Variants in PRLHR observed in about 807,000 individuals in gnomAD.
The protein encoded by PRLHR is prolactin-releasing peptide receptor.
In PRLHR, 10 loss-of-function variants were observed where a neutral mutation model predicts 9.3. The ratio of observed to expected loss-of-function variants is 1.08; its 90% confidence interval spans 0.66 to 1.82. The LOEUF is 1.82. Among genes scored for constraint, PRLHR ranks in the 40% most tolerant of loss-of-function variants. The pLI is 0.00. For synonymous variants in PRLHR, 261 were observed against 249.3 expected (o/e 1.05, Z -0.44); for missense variants, 589 against 512.0 (o/e 1.15, Z -1.45).
Position 118,594,964 on chromosome 10 carries a change from AC to A in PRLHR, c.280del (p.Val94Ter). 6.2e-7 allele frequency: 1 copy of A among 1,613,658 alleles called. No individual in the cohort carries two copies. Among genetic ancestry groups the A allele is most frequent in the Non-Finnish European group, 8.5e-7 (1 of 1,179,914 alleles). On this transcript the variant is annotated frameshift_variant, in exon 2 of 2. Transcript: ENST00000239032. LOFTEE classifies it high-confidence loss of function. ...CAGGTTGCCGATGAGGAAGTTCGTC[AC>A]GTTGTGCAGCCGGCGCACCCGCGCG... The part of the protein sequence containing the change: ...VIARVRRLHN[V>X]TNFLIGNLAL...
Position 118,594,889 on chromosome 10 carries a change from G to A in PRLHR, c.356C>T (p.Ala119Val). The A allele has an allele frequency of 6.2e-7, 1 of 1,613,370 alleles. No homozygotes were observed. Among genetic ancestry groups the A allele is most frequent in the Non-Finnish European group, 8.5e-7 (1 of 1,179,866 alleles). ...MCTACVPLTLAYAFEPRGWVF... is the reference protein window; with the variant it reads ...MCTACVPLTLVYAFEPRGWVF... ...CCAGCCGCGTGGCTCGAAGGCATAG[G>A]CCAGCGTGAGCGGCACGCAGGCGGT... Residue 119 changes from alanine to valine, a missense_variant, in exon 2 of 2, where the codon GCC becomes GTC. Ala to Val is a moderately conservative substitution (Grantham distance 64, BLOSUM62 0). Coordinates refer to ENST00000239032, the MANE Select transcript of PRLHR (RefSeq NM_004248.3).
At position 118,594,427 on chromosome 10, in the gene PRLHR, C is replaced by G; in HGVS notation, c.818G>C (p.Arg273Pro). 6.2e-7 allele frequency: 1 copy of G among 1,600,688 alleles called. No homozygotes were observed. Among genetic ancestry groups the G allele is most frequent in the East Asian group, 2.2e-5 (1 of 44,778 alleles). ...QSQADWDRARRRRTFCLLVVI... is the reference protein window; with the variant it reads ...QSQADWDRARPRRTFCLLVVI... ...CACCAGCAAGCAGAAGGTGCGCCGG[C>G]GCCGAGCGCGGTCCCAGTCGGCCTG... The change falls in exon 2 of 2, where the codon CGC (arginine) becomes CCC (proline). Residue 273 changes from arginine (R) to proline (P), a missense_variant. Arg to Pro is a moderately radical substitution (Grantham distance 103, BLOSUM62 -2). Coordinates refer to ENST00000239032, the MANE Select transcript of PRLHR (RefSeq NM_004248.3).
At chr10:118,595,362 C>A in intron 1 of PRLHR, 112 bp from the exon 2 acceptor site, 1 of 1,006,042 alleles carries the variant, frequency 9.9e-7, no homozygotes, top group Non-Finnish European at 1.4e-6. Context: ...AATAACCGGC[C>A]ACAGAACAAC....
In PRLHR at chr10:118,594,413, A is replaced by G. The variant is rs377102767; in HGVS notation, c.832T>C (p.Cys278Arg). 38 of 1,600,316 alleles carry G rather than the reference A, an allele frequency of 2.4e-5. No individual in the cohort carries two copies. The highest frequency in any genetic ancestry group is 3.1e-5 in the Non-Finnish European group (37 of 1,179,640). Residue 278 changes from cysteine (C) to arginine (R), a missense_variant, in exon 2 of 2, where the codon TGC becomes CGC. Physicochemically the swap from Cys to Arg is radical, Grantham distance 180. Coordinates refer to ENST00000239032, the MANE Select transcript of PRLHR (RefSeq NM_004248.3). Reference sequence around the variant, plus strand: ...ACCACCACGATCACCACCAGCAAGCAGAAGGTGCGCCGGCGCCGAGCGCGG... The same window carrying G: ...ACCACCACGATCACCACCAGCAAGCGGAAGGTGCGCCGGCGCCGAGCGCGG... ...WDRARRRRTFCLLVVIVVVFA... is the reference protein window; with the variant it reads ...WDRARRRRTFRLLVVIVVVFA...
rs1844431669 is a variant in PRLHR at position 118,591,402 on chromosome 10, G to C, written c.*2730C>G. 6.6e-6 allele frequency: 1 copy of C among 152,160 alleles called. No homozygotes were observed. The highest frequency in any genetic ancestry group is 2.4e-5 in the African/African-American group (1 of 41,432). The allele number at this position is 152,160 out of a possible 1,614,324, so 9.4% of individuals were successfully genotyped here. ...ATGTGAGCCATGGTACCTGGCCATG[G>C]TATGTAACTTTATAATACAATTGAC... is the stretch of plus-strand genomic sequence containing the variant. On this transcript the variant is annotated 3_prime_UTR_variant, in exon 2 of 2. Coordinates refer to ENST00000239032, the MANE Select transcript of PRLHR (RefSeq NM_004248.3).
chr10:118,595,082 G>C lies in PRLHR; in HGVS notation c.163C>G (p.Leu55Val), dbSNP rs1173213845. ...ATCAGCCCCTTCAGCTGATGCACCA[G>C]CTGCAGGCTCTGGAAGGGCGTGACG... ...PAVTPFQSLQ[L>V]VHQLKGLIVL... Residue 55 changes from leucine (L) to valine (V), a missense_variant, in exon 2 of 2, where the codon CTG becomes GTG. Coordinates refer to ENST00000239032, the MANE Select transcript of PRLHR (RefSeq NM_004248.3). 2.5e-6 allele frequency: 4 copies of C among 1,606,094 alleles called. No individual in the cohort carries two copies. In the African/African-American group the frequency reaches 4.0e-5, roughly 16 times the overall value.
At position 118,595,172 on chromosome 10, in the gene PRLHR, G is replaced by C; in HGVS notation, c.73C>G (p.Pro25Ala). 6.3e-7 allele frequency: 1 copy of C among 1,582,992 alleles called. No homozygotes were observed. The highest frequency in any genetic ancestry group is 1.7e-4 in the Middle Eastern group (1 of 5,994). Residue 25 changes from proline (P) to alanine (A), a missense_variant, in exon 2 of 2, where the codon CCC (proline) becomes GCC (alanine). Coordinates refer to ENST00000239032, the MANE Select transcript of PRLHR (RefSeq NM_004248.3). ...GAGGCCTCTGCGCTCTGGTTGGCGG[G>C]AGTTGTGACCGCCGGCGGCAGCCCA... ...FSGLPPAVTTPANQSAEASAG... is the reference protein window; with the variant it reads ...FSGLPPAVTTAANQSAEASAG...
chr10:118,595,473 G>A, intron 1 of PRLHR, 43 bp downstream of exon 1: 1 of 396,726 alleles, frequency 2.5e-6, no homozygotes. Context: ...TCTATTTACG[G>A]TCCTCGCAGT....
At position 118,594,976 on chromosome 10, in the gene PRLHR, C is replaced by T; in HGVS notation, c.269G>A (p.Arg90Gln). The T allele has an allele frequency of 1.2e-6, 2 of 1,613,622 alleles. No individual in the cohort carries two copies. The highest frequency in any genetic ancestry group is 1.7e-5 in the Admixed American group (1 of 60,016). ...GAGGAAGTTCGTCACGTTGTGCAGC[C>T]GGCGCACCCGCGCGATCACCAGCAC... ...LLVLVIARVR[R>Q]LHNVTNFLIG... The change falls in exon 2 of 2, where the codon CGG becomes CAG. Residue 90 changes from arginine (R) to glutamine (Q), a missense_variant. Transcript: ENST00000239032.
rs766135452 is a variant in PRLHR at position 118,594,928 on chromosome 10, T to A, written c.317A>T (p.Asp106Val). The change falls in exon 2 of 2, where the codon GAC becomes GTC. Residue 106 changes from aspartate to valine, a missense_variant. By Grantham distance (152) the Asp-to-Val change is radical (BLOSUM62 -3). Transcript: ENST00000239032. The stretch of plus-strand genomic sequence containing the variant: ...CACGCAGGCGGTGCACATGAGCACG[T>A]CGGACAAGGCCAGGTTGCCGATGAG... Reference protein sequence around the residue: ...NFLIGNLALSDVLMCTACVPL... With the variant: ...NFLIGNLALSVVLMCTACVPL... 1.9e-6 allele frequency: 3 copies of A among 1,613,574 alleles called. No individual in the cohort carries two copies. In the South Asian group the frequency reaches 3.3e-5, roughly 18 times the overall value.
At position 118,592,358 on chromosome 10, in the gene PRLHR, A is replaced by G. The variant is rs561086023; in HGVS notation, c.*1774T>C. ...CCCAAGTAATATAGCTGCTGGAAGCACAGGAGCCAGTCCTCGGGATGCCTG... is the reference window on the plus strand; with the variant it reads ...CCCAAGTAATATAGCTGCTGGAAGCGCAGGAGCCAGTCCTCGGGATGCCTG... On this transcript the variant is annotated 3_prime_UTR_variant, in exon 2 of 2. Transcript: ENST00000239032. The G allele has an allele frequency of 4.6e-5, 7 of 152,418 alleles. No individual in the cohort carries two copies. Among genetic ancestry groups the G allele is most frequent in the Admixed American group, 3.9e-4 (6 of 15,298 alleles). The allele number at this position is 152,418 out of a possible 1,614,324, so 9.4% of individuals were successfully genotyped here. A position where few individuals can be genotyped will look rare whatever the true frequency, so the allele number is the denominator to read the frequency against.
rs775475022 is a variant in PRLHR, at chr10:118,594,358, A to T, written c.887T>A (p.Val296Asp). ...GTCGAGGTCCCGCAGCAGGTTGAAGACGTGCAGCGGCAGCCAGCAGACGGC... is the reference window on the plus strand; with the variant it reads ...GTCGAGGTCCCGCAGCAGGTTGAAGTCGTGCAGCGGCAGCCAGCAGACGGC... Reference protein sequence around the residue: ...VFAVCWLPLHVFNLLRDLDPH... With the variant: ...VFAVCWLPLHDFNLLRDLDPH... The change falls in exon 2 of 2, where the codon GTC (valine) becomes GAC (aspartate). Residue 296 changes from valine to aspartate, a missense_variant. Coordinates refer to ENST00000239032, the MANE Select transcript of PRLHR (RefSeq NM_004248.3). 3.7e-6 allele frequency: 6 copies of T among 1,600,458 alleles called. No homozygotes were observed. Among genetic ancestry groups the T allele is most frequent in the Non-Finnish European group, 4.2e-6 (5 of 1,179,474 alleles).
In PRLHR at chr10:118,590,863, G is replaced by A. The variant is rs1460687321; in HGVS notation, c.*3269C>T. The stretch of plus-strand genomic sequence containing the variant: ...TCATAATATGTAAAGATGTTTATAA[G>A]CACAATCTAATTCTCCAACCTCTTT... On this transcript the variant is annotated 3_prime_UTR_variant, in exon 2 of 2. Transcript: ENST00000239032. The A allele has an allele frequency of 6.6e-6, 1 of 152,128 alleles. No homozygotes were observed. Among genetic ancestry groups the A allele is most frequent in the Non-Finnish European group, 1.5e-5 (1 of 68,030 alleles). 9.4% of individuals were successfully genotyped at this position (152,128 alleles called of 1,614,324 possible). A position where few individuals can be genotyped will look rare whatever the true frequency, so the allele number is the denominator to read the frequency against.
chr10:118,595,185 C>T lies in PRLHR; in HGVS notation c.60G>A (p.Pro20=), dbSNP rs531242252. 57 of 1,572,910 alleles carry T rather than the reference C, an allele frequency of 3.6e-5. No individual in the cohort carries two copies. In the East Asian group the frequency reaches 1.2e-3, roughly 33 times the overall value. ...RVSDLFSGLP[P]AVTTPANQSA... ...TCTGGTTGGCGGGAGTTGTGACCGC[C>T]GGCGGCAGCCCAGAAAATAAGTCAG... Residue 20 remains proline, a synonymous_variant, in exon 2 of 2, where the codon CCG becomes CCA. Coordinates refer to ENST00000239032, the MANE Select transcript of PRLHR (RefSeq NM_004248.3).
rs1404289780 is a variant in PRLHR at position 118,595,142 on chromosome 10, C to T, written c.103G>A (p.Gly35Ser). 1 of 1,597,574 alleles carries T rather than the reference C, an allele frequency of 6.3e-7. No individual in the cohort carries two copies. The highest frequency in any genetic ancestry group is 1.3e-5 in the African/African-American group (1 of 74,794). ...PANQSAEASA[G>S]NGSVAGADAP... Reference sequence around the variant, plus strand: ...TCCGCGCCAGCCACCGACCCGTTGCCCGCCGAGGCCTCTGCGCTCTGGTTG... The same window carrying T: ...TCCGCGCCAGCCACCGACCCGTTGCTCGCCGAGGCCTCTGCGCTCTGGTTG... The change falls in exon 2 of 2, where the codon GGC (glycine) becomes AGC (serine). Residue 35 changes from glycine (G) to serine (S), a missense_variant. Gly to Ser is a moderately conservative substitution (Grantham distance 56). Coordinates refer to ENST00000239032, the MANE Select transcript of PRLHR (RefSeq NM_004248.3).
rs953318942 is a variant in PRLHR at position 118,592,077 on chromosome 10, G to A, written c.*2055C>T. The A allele has an allele frequency of 6.6e-6, 1 of 151,830 alleles. No homozygotes were observed. Among genetic ancestry groups the A allele is most frequent in the Admixed American group, 6.6e-5 (1 of 15,242 alleles). 9.4% of individuals were successfully genotyped at this position (151,830 alleles called of 1,614,324 possible). On this transcript the variant is annotated 3_prime_UTR_variant, in exon 2 of 2. Coordinates refer to ENST00000239032, the MANE Select transcript of PRLHR (RefSeq NM_004248.3). Reference sequence around the variant, plus strand: ...GTGCTTTGGAAAATGCTAGTGTCCAGGCACCATCTCAAATCAACTAGACTC... The same window carrying A: ...GTGCTTTGGAAAATGCTAGTGTCCAAGCACCATCTCAAATCAACTAGACTC...
In PRLHR at chr10:118,594,192, G is replaced by T. The variant is rs1234731102; in HGVS notation, c.1053C>A (p.Val351=). ...SFREELRKLL[V]AWPRKIAPHG... is the part of the protein sequence containing the mutation. Reference sequence around the variant, plus strand: ...GGGGGGCTATCTTGCGGGGCCAAGCGACCAACAGTTTGCGCAGCTCCTCGC... The same window carrying T: ...GGGGGGCTATCTTGCGGGGCCAAGCTACCAACAGTTTGCGCAGCTCCTCGC... The change falls in exon 2 of 2, where the codon GTC becomes GTA. Residue 351 remains valine, a synonymous_variant. Transcript: ENST00000239032. The T allele has an allele frequency of 3.8e-6, 6 of 1,566,966 alleles. No individual in the cohort carries two copies.
At position 118,594,696 on chromosome 10, in the gene PRLHR, G is replaced by A. The variant is rs1844471061; in HGVS notation, c.549C>T (p.Ile183=). 3.1e-6 allele frequency: 5 copies of A among 1,592,036 alleles called. No individual in the cohort carries two copies. The highest frequency in any genetic ancestry group is 4.3e-6 in the Non-Finnish European group (5 of 1,171,718). ...GCGCCAGCACCGCGGACAGCGCCCA[G>A]ATGGCCAGCACAGCGTAGGCGCTGA... The part of the protein sequence containing the change: ...LRLSAYAVLA[I]WALSAVLALP... Residue 183 remains isoleucine, a synonymous_variant, in exon 2 of 2, where the codon ATC becomes ATT. Coordinates refer to ENST00000239032, the MANE Select transcript of PRLHR (RefSeq NM_004248.3).
At position 118,595,050 on chromosome 10, in the gene PRLHR, C is replaced by A. The variant is rs1844480704; in HGVS notation, c.195G>T (p.Leu65=). 6.2e-7 allele frequency: 1 copy of A among 1,608,330 alleles called. No individual in the cohort carries two copies. Among genetic ancestry groups the A allele is most frequent in the Non-Finnish European group, 8.5e-7 (1 of 1,176,572 alleles). The change falls in exon 2 of 2, where the codon CTG becomes CTT. Residue 65 remains leucine, a synonymous_variant. Transcript: ENST00000239032. ...CCACGACCACCACGACGCTGTAGAG[C>A]AGCACGATCAGCCCCTTCAGCTGAT... ...LVHQLKGLIV[L]LYSVVVVVGL...
Sources: gnomAD v4.1 joint callset for allele counts on GRCh38, gnomAD v4.1.1 for gene constraint, MANE v1.5 for transcripts, NCBI Gene and HGNC (gene_info 2026-07-23, HGNC 2026-07-21) for gene names.